SDK1: variants seen among roughly 807,000 people sequenced by gnomAD.
SDK1 encodes the protein sidekick cell adhesion molecule 1.
In SDK1, 157 loss-of-function variants were observed where a neutral mutation model predicts 245.5. The ratio of observed to expected loss-of-function variants is 0.64; its 90% CI spans 0.56 to 0.73. The LOEUF is 0.73. SDK1 is among the 30% of genes least tolerant of loss of function. The probability of loss-of-function intolerance (pLI) is 0.00; values close to 1 mark genes in which losing one functional copy is unlikely to be tolerated. For synonymous variants in SDK1, 1,647 were observed against 1,278.5 expected (o/e 1.29, Z -6.15); for missense variants, 3,583 against 3,002.3 (o/e 1.19, Z -4.52).
chr7:3,515,682 G>A (rs755882201), intron 1 of SDK1, among the ~76,000 whole-genome samples: 1 of 152,126 alleles, frequency 6.6e-6, no homozygotes, highest in Non-Finnish European at 1.5e-5. Flanking sequence ...ATCATATAAG[G>A]AGGTTAGCCA....
chr7:3,424,784 C>T (rs55963715), intron 1 of SDK1, among the ~76,000 whole-genome samples: 4,840 of 152,100 alleles, frequency 0.032, 138 homozygotes, highest in African/African-American at 0.059. Flanking sequence ...GTAGTCCTAG[C>T]TGCTTGGGAG....
intron 2 of SDK1, among the ~76,000 whole-genome samples, chr7:3,629,899 C>G (rs1480330837): frequency 6.6e-6 from 1 of 152,042 alleles, no homozygotes; most frequent in African/African-American, 2.4e-5. Context: ...GATAATGAAA[C>G]AGTTATAACT....
At chr7:3,672,536 A>G (rs1206215140) in intron 4 of SDK1, among the ~76,000 whole-genome samples, 1 of 147,940 alleles carries the variant, frequency 6.8e-6, no homozygotes, top group African/African-American at 2.5e-5. Flanking sequence ...AAAGCAATCT[A>G]TTTATAGATC....
intron 1 of SDK1, among the ~76,000 whole-genome samples, chr7:3,552,478 T>G (rs193149996): frequency 2.0e-3 from 298 of 152,302 alleles, no homozygotes; most frequent in African/African-American, 6.9e-3. Flanking sequence ...CTCCCTCTCA[T>G]CTAGGCTGAC....
At chr7:4,155,453 G>A (rs960528859) in intron 30 of SDK1, among the ~76,000 whole-genome samples, 4 of 152,202 alleles carry the variant, frequency 2.6e-5, no homozygotes, top group African/African-American at 9.7e-5. Context: ...CCAGACCCAG[G>A]CAGGACAGTG....
At chr7:3,622,617 C>A (rs1781978797) in intron 2 of SDK1, among the ~76,000 whole-genome samples, 1 of 152,182 alleles carries the variant, frequency 6.6e-6, no homozygotes, top group African/African-American at 2.4e-5. Flanking sequence ...AGAGGTGGAA[C>A]ACTCTTTGTA....
At chr7:4,163,923 G>C (rs1381040542) in intron 32 of SDK1, among the ~76,000 whole-genome samples, 1 of 152,238 alleles carries the variant, frequency 6.6e-6, no homozygotes, top group African/African-American at 2.4e-5. Context: ...CCACTTATCT[G>C]AGGGATGGAG....
chr7:3,964,543 A>T (rs1026697535), intron 9 of SDK1, among the ~76,000 whole-genome samples: 1 of 152,126 alleles, frequency 6.6e-6, no homozygotes, highest in Admixed American at 6.5e-5. Flanking sequence ...TTATCCCATT[A>T]ACAGAAATAC....
At chr7:3,428,914 T>C (rs1312880554) in intron 1 of SDK1, among the ~76,000 whole-genome samples, 1 of 152,228 alleles carries the variant, frequency 6.6e-6, no homozygotes, top group African/African-American at 2.4e-5. Context: ...ATTGAGATAC[T>C]CTGCTTAGGA....
At chr7:3,936,130 C>T (rs909652604) in intron 5 of SDK1, among the ~76,000 whole-genome samples, 1 of 152,118 alleles carries the variant, frequency 6.6e-6, no homozygotes, top group Non-Finnish European at 1.5e-5. Flanking sequence ...TGAATTAAGG[C>T]AGTCAGCAGA....
intron 1 of SDK1, among the ~76,000 whole-genome samples, chr7:3,335,665 C>G (rs527409054): frequency 1.3e-5 from 2 of 152,124 alleles, no homozygotes; most frequent in Non-Finnish European, 2.9e-5. Context: ...CTGATCACTA[C>G]TGCCAGGAAG....
At chr7:3,605,297 C>G (rs563223860) in intron 1 of SDK1, among the ~76,000 whole-genome samples, 1 of 152,260 alleles carries the variant, frequency 6.6e-6, no homozygotes, top group South Asian at 2.1e-4. Context: ...CTGTATAATT[C>G]TATCTGTAAG....
chr7:3,410,129 C>T (rs1012790393), intron 1 of SDK1, among the ~76,000 whole-genome samples: 2 of 152,202 alleles, frequency 1.3e-5, no homozygotes, highest in Non-Finnish European at 2.9e-5. Flanking sequence ...ATCATAATCA[C>T]ATTTTAATTC....
intron 5 of SDK1, among the ~76,000 whole-genome samples, chr7:3,865,683 C>CT (rs546927109): frequency 0.011 from 1,611 of 140,542 alleles, 15 homozygotes; most frequent in South Asian, 0.032. Flanking sequence ...TTATTTTTTT[C>CT]TTTTTTTTTT....
intron 35 of SDK1, among the ~76,000 whole-genome samples, chr7:4,194,076 C>G (rs573464685): frequency 6.6e-6 from 1 of 152,152 alleles, no homozygotes; most frequent in East Asian, 1.9e-4. Context: ...CAGCCAACTC[C>G]GGAAACCGCA....
chr7:4,000,294 C>T (rs557407769), intron 14 of SDK1, among the ~76,000 whole-genome samples: 31 of 152,204 alleles, frequency 2.0e-4, no homozygotes, highest in African/African-American at 7.5e-4. Flanking sequence ...CTTGTCCTTC[C>T]TCCAGCATGG....
At position 3,974,377 on chromosome 7, in the gene SDK1, GGAA is replaced by G; in HGVS notation, c.1831_1833del (p.Lys611del). ...CTTTGCTTGGCCCACAGCTACGTTT[GGAA>G]GAAGGACAACGTGGCCCTGACTCCA... On this transcript the variant is annotated inframe_deletion, in exon 13 of 45. Coordinates refer to ENST00000404826, the MANE Select transcript of SDK1 (RefSeq NM_152744.4). The G allele has an allele frequency of 6.2e-7, 1 of 1,612,350 alleles. No homozygotes were observed. The highest frequency in any genetic ancestry group is 8.5e-7 in the Non-Finnish European group (1 of 1,178,556).
At chr7:3,884,696 A>G (rs1562512480) in intron 5 of SDK1, among the ~76,000 whole-genome samples, 1 of 152,248 alleles carries the variant, frequency 6.6e-6, no homozygotes. Context: ...CGGCCCCTCC[A>G]GCTCCAGCTC....
chr7:3,379,076 C>A (rs1031454828), intron 1 of SDK1, among the ~76,000 whole-genome samples: 1 of 152,162 alleles, frequency 6.6e-6, no homozygotes. Context: ...TGCTGAGCTT[C>A]TGCTGAGGAA....
Sources: allele counts gnomAD v4.1 joint callset (sites outside exome capture counted in the v4.1 genomes callset), GRCh38; gene constraint gnomAD v4.1.1; transcripts MANE v1.5; gene names NCBI Gene and HGNC (gene_info 2026-07-23, HGNC 2026-07-21).